HHLA2: variants seen among roughly 807,000 people sequenced by gnomAD.
HHLA2 encodes HHLA2 member of B7 family, also known as HERV-H LTR-associating protein 2.
Under a neutral mutation model 45.9 loss-of-function variants are expected in HHLA2, and 48 were observed. That is an observed-to-expected ratio of 1.05 (90% confidence interval 0.83 to 1.33). The LOEUF (loss-of-function observed/expected upper bound fraction) is 1.33. Ranked by LOEUF, HHLA2 falls within the 40% of genes most tolerant of loss-of-function variation. The probability of loss-of-function intolerance (pLI) is 0.00; values close to 1 mark genes in which losing one functional copy is unlikely to be tolerated. For synonymous variants in HHLA2, 161 were observed against 173.9 expected (o/e 0.93, Z 0.59); for missense variants, 462 against 494.3 (o/e 0.93, Z 0.62).
chr3:108,315,087 T>C (rs573922653), intron 2 of HHLA2, among the ~76,000 whole-genome samples: 10 of 152,338 alleles, frequency 6.6e-5, no homozygotes, highest in African/African-American at 2.4e-4. Flanking sequence ...GGTGCTTTTG[T>C]ACCCACGTTA....
At chr3:108,362,983 T>C (rs1338282584) in intron 8 of HHLA2, among the ~76,000 whole-genome samples, 1 of 152,206 alleles carries the variant, frequency 6.6e-6, no homozygotes, top group Non-Finnish European at 1.5e-5. Flanking sequence ...GCTCTGAGTT[T>C]AGTCAAGGTT....
chr3:108,302,086 A>T (rs2080859924), intron 1 of HHLA2, among the ~76,000 whole-genome samples: 2 of 152,206 alleles, frequency 1.3e-5, no homozygotes, highest in South Asian at 4.1e-4. Context: ...TAGTAATCTA[A>T]TTCACACAAG....
At chr3:108,314,537 C>A (rs1327459159) in intron 2 of HHLA2, among the ~76,000 whole-genome samples, 1 of 151,988 alleles carries the variant, frequency 6.6e-6, no homozygotes, top group African/African-American at 2.4e-5. Flanking sequence ...ACCCCAGATA[C>A]CTTGAGGCTG....
At chr3:108,338,674 T>G (rs2081515005) in intron 3 of HHLA2, among the ~76,000 whole-genome samples, 1 of 152,196 alleles carries the variant, frequency 6.6e-6, no homozygotes, top group African/African-American at 2.4e-5. Context: ...TAAGTAGTAC[T>G]CTGGCCCTTC....
At chr3:108,375,494 A>C (rs2082258524) in intron 8 of HHLA2, among the ~76,000 whole-genome samples, 1 of 152,096 alleles carries the variant, frequency 6.6e-6, no homozygotes, top group Admixed American at 6.6e-5. Context: ...ATACAAAATA[A>C]ATAAAAATAA....
At chr3:108,301,837 A>G (rs975817694) in intron 1 of HHLA2, among the ~76,000 whole-genome samples, 14 of 151,744 alleles carry the variant, frequency 9.2e-5, no homozygotes, top group African/African-American at 3.1e-4. Context: ...TAACTCCTCT[A>G]TTGTTTCTCT....
chr3:108,373,687 GACAA>G (rs755300783), intron 8 of HHLA2, among the ~76,000 whole-genome samples: 17 of 151,378 alleles, frequency 1.1e-4, no homozygotes, highest in Non-Finnish European at 1.9e-4. Flanking sequence ...ACCAATAACA[GACAA>G]ACAGAGAGCC....
At chr3:108,372,135 C>T (rs1352849220) in intron 8 of HHLA2, among the ~76,000 whole-genome samples, 2 of 152,156 alleles carry the variant, frequency 1.3e-5, no homozygotes, top group Non-Finnish European at 2.9e-5. Context: ...TCTCTCAGAC[C>T]ACAGTGCAAT....
intron 8 of HHLA2, among the ~76,000 whole-genome samples, chr3:108,368,534 G>GAAA (rs1560276081): frequency 8.3e-5 from 1 of 12,054 alleles, no homozygotes; most frequent in African/African-American, 3.3e-4. Context: ...CAAACGAAGA[G>GAAA]CAAAAAAAAA....
intron 2 of HHLA2, chr3:108,325,931 T>C: frequency 2.6e-6 from 1 of 389,552 alleles, no homozygotes; most frequent in Non-Finnish European, 4.9e-6. Context: ...CCTTATTTCA[T>C]GATTGTGGCC....
At chr3:108,345,905 C>G (rs1343393525) in intron 3 of HHLA2, among the ~76,000 whole-genome samples, 1 of 152,162 alleles carries the variant, frequency 6.6e-6, no homozygotes, top group Non-Finnish European at 1.5e-5. Context: ...TTTTTGCTCT[C>G]TTCCTCTGAT....
intron 2 of HHLA2, among the ~76,000 whole-genome samples, chr3:108,321,395 G>A (rs1183576609): frequency 6.6e-6 from 1 of 152,164 alleles, no homozygotes; most frequent in Non-Finnish European, 1.5e-5. Context: ...GATAGTGCAT[G>A]TCTGAAAATG....
intron 7 of HHLA2, among the ~76,000 whole-genome samples, 171 bp from the exon 7 acceptor site, chr3:108,362,171 G>A (rs1476938166): frequency 6.6e-6 from 1 of 152,080 alleles, no homozygotes; most frequent in African/African-American, 2.4e-5. Flanking sequence ...TATCCTAAAG[G>A]ACGTTTTTAT....
At chr3:108,376,675 C>T in intron 10 of HHLA2, 118 bp downstream of exon 9, 1 of 825,962 alleles carries the variant, frequency 1.2e-6, no homozygotes, top group East Asian at 2.8e-5. Flanking sequence ...CAGAAAAAAA[C>T]AGCAGCAGGG....
At chr3:108,358,673 A>G (rs910609879) in intron 7 of HHLA2, among the ~76,000 whole-genome samples, 1 of 152,142 alleles carries the variant, frequency 6.6e-6, no homozygotes, top group African/African-American at 2.4e-5. Context: ...GCCAAAAACC[A>G]TTATCTAAAA....
intron 3 of HHLA2, among the ~76,000 whole-genome samples, chr3:108,341,286 A>C (rs2081567616): frequency 3.3e-5 from 5 of 152,058 alleles, no homozygotes; most frequent in Admixed American, 3.3e-4. Flanking sequence ...GAAAATTCCC[A>C]CATTTGCAAG....
chr3:108,351,142 A>G (rs1241552282), intron 3 of HHLA2, among the ~76,000 whole-genome samples: 2 of 152,178 alleles, frequency 1.3e-5, no homozygotes, highest in Non-Finnish European at 2.9e-5. Flanking sequence ...ATTTTTGTGT[A>G]TACACGTTTT....
intron 2 of HHLA2, among the ~76,000 whole-genome samples, chr3:108,320,264 A>G (rs1245612572): frequency 6.6e-6 from 1 of 152,256 alleles, no homozygotes; most frequent in Non-Finnish European, 1.5e-5. Flanking sequence ...AACCATTTCT[A>G]TATGAGTAGG....
chr3:108,302,871 T>C (rs1373953764), intron 1 of HHLA2: 2 of 152,180 alleles, frequency 1.3e-5, no homozygotes, highest in Non-Finnish European at 2.9e-5. Flanking sequence ...TTTTCTGTTC[T>C]GGGCTAGCTG....
Sources: gnomAD v4.1 joint callset for allele counts (sites outside exome capture counted in the v4.1 genomes callset) on GRCh38, gnomAD v4.1.1 for gene constraint, MANE v1.5 for transcripts, NCBI Gene and HGNC (gene_info 2026-07-23, HGNC 2026-07-21) for gene names.